Variants in RPL13A observed in about 807,000 individuals in gnomAD.
The protein encoded by RPL13A is large ribosomal subunit protein uL13.
Under a neutral mutation model 30.8 loss-of-function variants are expected in RPL13A, and 4 were observed. The ratio of observed to expected loss-of-function variants is 0.13; its 90% CI spans 0.06 to 0.30. RPL13A has a LOEUF of 0.30. Among genes scored for constraint, RPL13A ranks in the 10% least tolerant of loss-of-function variants. RPL13A has a pLI of 1.00. For missense variants in RPL13A, 196 were observed against 272.6 expected, an observed-to-expected ratio of 0.72 and a Z score of 1.98; for synonymous variants, 108 against 104.2, an observed-to-expected ratio of 1.04 and a Z score of -0.22.
Position 49,490,830 on chromosome 19 carries a change from A to G in RPL13A, c.308A>G (p.Lys103Arg), listed in dbSNP as rs780580351. 3.1e-6 allele frequency: 5 copies of G among 1,614,070 alleles called. No homozygotes were observed. Among genetic ancestry groups the G allele is most frequent in the Non-Finnish European group, 4.2e-6 (5 of 1,180,030 alleles). ...KRGQAALDRL[K>R]VFDGIPPPYD... ...GGCCAGGCCGCTCTGGACCGTCTCA[A>G]GGTGTTTGACGGCATCCCACCGCCC... is the stretch of plus-strand genomic sequence containing the variant. Residue 103 changes from lysine (K) to arginine (R), a missense_variant, in exon 5 of 8, where the codon AAG becomes AGG. Lys to Arg is a conservative substitution (Grantham distance 26, BLOSUM62 2). Coordinates refer to ENST00000391857, the MANE Select transcript of RPL13A (RefSeq NM_012423.4).
At chr19:49,491,633 G>A in intron 7 of RPL13A, 86 bp downstream of exon 7, 1 of 1,563,772 alleles carries the variant, frequency 6.4e-7, no homozygotes, top group Non-Finnish European at 8.7e-7. Context: ...CTCTTAACTG[G>A]CAAAGGACCA....
intron 1 of RPL13A, 152 bp from the exon 2 acceptor site, chr19:49,489,698 G>A: frequency 2.9e-6 from 2 of 692,532 alleles, no homozygotes; most frequent in South Asian, 1.6e-5. Flanking sequence ...TTCCTCATCT[G>A]TAGAACGGGG....
intron 6 of RPL13A, 71 bp downstream of exon 6, chr19:49,491,170 A>C (rs2079863950): frequency 6.5e-7 from 1 of 1,535,152 alleles, no homozygotes; most frequent in South Asian, 1.1e-5. Context: ...GGGGACCTGG[A>C]GCCTGGCAGA....
intron 6 of RPL13A, 23 bp from the exon 7 acceptor site, chr19:49,491,402 A>ATCCC: frequency 8.5e-6 from 2 of 236,632 alleles, no homozygotes; most frequent in South Asian, 7.0e-5. Context: ...TCATTTGTTC[A>ATCCC]CCCCCCCCCC....
chr19:49,491,142 A>G (rs1359893830), intron 6 of RPL13A, 43 bp downstream of exon 6: 7 of 1,603,528 alleles, frequency 4.4e-6, no homozygotes, highest in Non-Finnish European at 6.0e-6. Context: ...GGGAGATTTC[A>G]GGCCTGCTGA....
At chr19:49,488,114 C>G (rs1010490427) in intron 1 of RPL13A, among the ~76,000 whole-genome samples, 2 of 152,164 alleles carry the variant, frequency 1.3e-5, no homozygotes. Context: ...AGGTGTTAAT[C>G]GGGGTCCCCT....
At position 49,491,409 on chromosome 19, in the gene RPL13A, C is replaced by CG. The variant is rs1424582493; in HGVS notation, c.403-16_403-15insG. 34 of 532,712 alleles carry CG rather than the reference C, an allele frequency of 6.4e-5. No homozygotes were observed. The highest frequency in any genetic ancestry group is 8.0e-5 in the Non-Finnish European group (27 of 337,330). The allele number at this position is 532,712 out of a possible 1,614,324, so 33.0% of individuals were successfully genotyped here. A position where few individuals can be genotyped will look rare whatever the true frequency, so the allele number is the denominator to read the frequency against. ...TTACAACTTCATTTGTTCACCCCCC[C>CG]CCCCCCCCCCCGCAGTTTGCCTATC... On this transcript the variant is annotated splice_polypyrimidine_tract_variant and intron_variant, in intron 6 of 7. Coordinates refer to ENST00000391857, the MANE Select transcript of RPL13A (RefSeq NM_012423.4).
At chr19:49,490,072 G>A (rs1752194600) in intron 2 of RPL13A, 150 bp downstream of exon 2, 1 of 1,014,034 alleles carries the variant, frequency 9.9e-7, no homozygotes, top group Non-Finnish European at 1.6e-6. Context: ...CCCAGGGTTG[G>A]GGACTCCAGG....
intron 1 of RPL13A, among the ~76,000 whole-genome samples, 180 bp downstream of exon 1, chr19:49,487,824 G>A (rs2079821093): frequency 6.6e-6 from 1 of 152,218 alleles, no homozygotes; most frequent in Non-Finnish European, 1.5e-5. Flanking sequence ...TAGGCCTAGG[G>A]TTGGCTACAA....
At chr19:49,489,312 A>G (rs151302774) in intron 1 of RPL13A, among the ~76,000 whole-genome samples, 37 of 152,176 alleles carry the variant, frequency 2.4e-4, no homozygotes, top group African/African-American at 7.7e-4. Flanking sequence ...CCTAGGCAAC[A>G]TGGCAAAACC....
rs11539139 is a variant in RPL13A at position 49,490,546 on chromosome 19, C to T, written c.226C>T (p.Pro76Ser). 1 of 1,614,202 alleles carries T rather than the reference C, an allele frequency of 6.2e-7. No individual in the cohort carries two copies. Among genetic ancestry groups the T allele is most frequent in the Non-Finnish European group, 8.5e-7 (1 of 1,180,048 alleles). The change falls in exon 4 of 8, where the codon CCC (proline) becomes TCC (serine). Residue 76 changes from proline (P) to serine (S), a missense_variant. Pro to Ser is a moderately conservative substitution (Grantham distance 74). Coordinates refer to ENST00000391857, the MANE Select transcript of RPL13A (RefSeq NM_012423.4). ...CCGAGGCCCCTACCACTTCCGGGCC[C>T]CCAGCCGCATCTTCTGGCGGACCGT... is the stretch of plus-strand genomic sequence containing the variant. ...PSRGPYHFRA[P>S]SRIFWRTVRG...
chr19:49,490,561 T>C lies in RPL13A; in HGVS notation c.241T>C (p.Trp81Arg), dbSNP rs767311936. The C allele has an allele frequency of 3.7e-6, 6 of 1,614,050 alleles. No individual in the cohort carries two copies. Among genetic ancestry groups the C allele is most frequent in the Non-Finnish European group, 5.1e-6 (6 of 1,180,028 alleles). Residue 81 changes from tryptophan to arginine, a missense_variant, in exon 4 of 8, where the codon TGG becomes CGG. Coordinates refer to ENST00000391857, the MANE Select transcript of RPL13A (RefSeq NM_012423.4). Reference sequence around the variant, plus strand: ...CTTCCGGGCCCCCAGCCGCATCTTCTGGCGGACCGTGCGAGGTGAGCAGAG... The same window carrying C: ...CTTCCGGGCCCCCAGCCGCATCTTCCGGCGGACCGTGCGAGGTGAGCAGAG... ...YHFRAPSRIF[W>R]RTVRGMLPHK...
Position 49,487,654 on chromosome 19 carries a change from C to T in RPL13A, c.15+10C>T, listed in dbSNP as rs751267813. 9.7e-6 allele frequency: 15 copies of T among 1,541,958 alleles called. No individual in the cohort carries two copies. The highest frequency in any genetic ancestry group is 5.6e-5 in the African/African-American group (4 of 71,316). On this transcript the variant is annotated intron_variant, in intron 1 of 7. Coordinates refer to ENST00000391857, the MANE Select transcript of RPL13A (RefSeq NM_012423.4). ...GATGGCGGAGGTGCAGGTATGGGCT[C>T]CGCGCGGGCCGGGGCGGCAAGGGGC...
intron 7 of RPL13A, 71 bp from the exon 8 acceptor site, chr19:49,491,658 G>A (rs1601166145): frequency 6.3e-7 from 1 of 1,578,570 alleles, no homozygotes; most frequent in East Asian, 2.3e-5. Flanking sequence ...GGGTTGGGGT[G>A]GGATGCAGTC....
intron 5 of RPL13A, 34 bp from the exon 6 acceptor site, chr19:49,491,006 C>T: frequency 6.2e-7 from 1 of 1,613,628 alleles, no homozygotes; most frequent in South Asian, 1.1e-5. Flanking sequence ...GTCTGTCCCT[C>T]CCGGGCTCTT....
intron 1 of RPL13A, among the ~76,000 whole-genome samples, chr19:49,488,632 T>A (rs993853304): frequency 2.6e-5 from 4 of 152,270 alleles, no homozygotes; most frequent in African/African-American, 9.6e-5. Flanking sequence ...AGAGTCTTTG[T>A]ACCAACGCTT....
At position 49,489,858 on chromosome 19, in the gene RPL13A, G is replaced by A; in HGVS notation, c.24G>A (p.Val8=). 3 of 1,613,858 alleles carry A rather than the reference G, an allele frequency of 1.9e-6. No homozygotes were observed. The highest frequency in any genetic ancestry group is 2.5e-6 in the Non-Finnish European group (3 of 1,179,702). Residue 8 remains valine, a synonymous_variant, in exon 2 of 8, where the codon GTG becomes GTA. Coordinates refer to ENST00000391857, the MANE Select transcript of RPL13A (RefSeq NM_012423.4). ...GCCCTTGTCTCCCACAGGTCCTGGT[G>A]CTTGATGGTCGAGGCCATCTCCTGG... MAEVQVL[V]LDGRGHLLGR...
chr19:49,488,305 GC>G (rs970229262), intron 1 of RPL13A, among the ~76,000 whole-genome samples: 30 of 152,132 alleles, frequency 2.0e-4, no homozygotes, highest in African/African-American at 7.2e-4. Flanking sequence ...CATCTTTTGG[GC>G]CTGACACCTG....
In RPL13A at chr19:49,490,852, G is replaced by A. The variant is rs113259739; in HGVS notation, c.330G>A (p.Pro110=). 25,306 of 1,614,040 alleles carry A rather than the reference G, an allele frequency of 0.016. 238 individuals carry two copies. Among genetic ancestry groups the A allele is most frequent in the Non-Finnish European group, 0.018 (21,166 of 1,180,002 alleles). ...TCAAGGTGTTTGACGGCATCCCACC[G>A]CCCTACGACAAGGTGAGCTATGCCA... The part of the protein sequence containing the change: ...DRLKVFDGIP[P]PYDKKKRMVV... Residue 110 remains proline, a synonymous_variant, in exon 5 of 8, where the codon CCG becomes CCA. Transcript: ENST00000391857.
Sources: gnomAD v4.1 joint callset for allele counts (sites outside exome capture counted in the v4.1 genomes callset) on GRCh38, gnomAD v4.1.1 for gene constraint, MANE v1.5 for transcripts, NCBI Gene and HGNC (gene_info 2026-07-23, HGNC 2026-07-21) for gene names.